PRH1: variants seen among roughly 807,000 people sequenced by gnomAD.
PRH1 encodes the protein proline rich protein HaeIII subfamily 1.
A neutral mutation model predicts 7.9 loss-of-function variants in PRH1; 7 were observed. The ratio of observed to expected loss-of-function variants is 0.89; its 90% CI spans 0.50 to 1.67. PRH1 has a LOEUF of 1.67. Ranked by LOEUF, PRH1 falls within the 40% of genes most tolerant of loss-of-function variation. The pLI, the probability that PRH1 is intolerant of heterozygous loss-of-function variation, is 0.00. For synonymous variants in PRH1, 45 were observed against 80.8 expected (o/e 0.56, Z 2.38); for missense variants, 109 against 223.6 (o/e 0.49, Z 3.27).
chr12:11,123,834 TTTTTAGTTTTCTTG>T (rs2136331605), intron 1 of PRH1, among the ~76,000 whole-genome samples: 1 of 152,336 alleles, frequency 6.6e-6, no homozygotes, highest in South Asian at 2.1e-4. Flanking sequence ...GATAATTCAT[TTTTTAGTTTTCTTG>T]TTTTAGTGTT....
At chr12:11,002,345 A>C (rs960027967) in intron 1 of PRH1, among the ~76,000 whole-genome samples, 2 of 152,078 alleles carry the variant, frequency 1.3e-5, no homozygotes, top group Non-Finnish European at 2.9e-5. Flanking sequence ...TGTTTCTTAT[A>C]TTATTCTCAG....
At chr12:10,909,385 G>A (rs987558219) in intron 2 of PRH1, 2 of 898,304 alleles carry the variant, frequency 2.2e-6, no homozygotes, top group Non-Finnish European at 1.7e-6. Context: ...GTGTCCAGTG[G>A]AGTTCTTCTT....
At chr12:11,027,012 C>G (rs534007141) in intron 1 of PRH1, among the ~76,000 whole-genome samples, 57 of 152,350 alleles carry the variant, frequency 3.7e-4, no homozygotes, top group East Asian at 2.5e-3. Flanking sequence ...TGACTGTAAT[C>G]CCATCATTTT....
At position 11,168,283 on chromosome 12, in the gene PRH1, A is replaced by G. The variant is rs867999878; in HGVS notation, n.39+3139T>C. The stretch of plus-strand genomic sequence containing the variant: ...AAGAAAGAAAGAAAGAAAGAAAGAA[A>G]GAAAGAAAGAAAGAAAGAAGGAAGG... On this transcript the variant is annotated intron_variant and non_coding_transcript_variant, in intron 1 of 1. Transcript: ENST00000541175. 1.5e-3 allele frequency among the ~76,000 whole-genome samples: 50 copies of G among 32,404 alleles called. 11 individuals are homozygous for G. The highest frequency in any genetic ancestry group is 2.1e-3 in the Non-Finnish European group (28 of 13,600). 21.3% of individuals were successfully genotyped at this position (32,404 alleles called of 152,430 possible).
chr12:10,940,763 A>G (rs919945009), intron 2 of PRH1, among the ~76,000 whole-genome samples: 1 of 152,210 alleles, frequency 6.6e-6, no homozygotes, highest in Non-Finnish European at 1.5e-5. Context: ...CACCAATGAA[A>G]CAAATTCAGC....
chr12:11,160,174 T>C (rs949895418), intron 1 of PRH1, among the ~76,000 whole-genome samples: 2 of 152,208 alleles, frequency 1.3e-5, no homozygotes, highest in African/African-American at 4.8e-5. Context: ...ATAACATTTA[T>C]TTCAGTAATT....
chr12:10,945,287 A>G (rs941781565), intron 2 of PRH1, among the ~76,000 whole-genome samples: 3 of 152,062 alleles, frequency 2.0e-5, no homozygotes, highest in Non-Finnish European at 4.4e-5. Context: ...TCTTGGGAGT[A>G]TCGGGTGAAA....
At chr12:11,052,929 T>TA (rs1943208327) in intron 1 of PRH1, among the ~76,000 whole-genome samples, 3 of 138,638 alleles carry the variant, frequency 2.2e-5, no homozygotes, top group African/African-American at 7.7e-5. Flanking sequence ...TTTTGATTTT[T>TA]TGTTTTTTGT....
chr12:10,966,957 T>A (rs1938529610), intron 2 of PRH1, among the ~76,000 whole-genome samples: 1 of 151,720 alleles, frequency 6.6e-6, no homozygotes, highest in East Asian at 1.9e-4. Flanking sequence ...CTACAAAAAA[T>A]ACAAAAAATT....
chr12:11,160,345 T>G (rs1947376550), intron 1 of PRH1, among the ~76,000 whole-genome samples: 1 of 152,202 alleles, frequency 6.6e-6, no homozygotes, highest in African/African-American at 2.4e-5. Context: ...TTACAGGAGC[T>G]AAAAAGAATA....
At chr12:11,106,550 A>G (rs78484670) in intron 1 of PRH1, among the ~76,000 whole-genome samples, 1 of 152,194 alleles carries the variant, frequency 6.6e-6, no homozygotes, top group African/African-American at 2.4e-5. Context: ...GGGCTACTTA[A>G]AAAACACGTT....
At chr12:11,036,149 T>TC (rs1343395169) in intron 1 of PRH1, among the ~76,000 whole-genome samples, 1 of 152,198 alleles carries the variant, frequency 6.6e-6, no homozygotes, top group African/African-American at 2.4e-5. Context: ...CACCTCGGCC[T>TC]CCCGAAGTGC....
chr12:11,171,599 T>C (rs1947849701), upstream of PRH1: 2 of 1,220,164 alleles, frequency 1.6e-6, no homozygotes, highest in Non-Finnish European at 2.0e-6. Flanking sequence ...GGGGCCAGCA[T>C]GATGGCCGAC....
chr12:10,969,522 C>A (rs1204148492), intron 2 of PRH1, among the ~76,000 whole-genome samples: 1 of 152,044 alleles, frequency 6.6e-6, no homozygotes, highest in Non-Finnish European at 1.5e-5. Flanking sequence ...TCATCAATGA[C>A]AACTTTAAAC....
intron 1 of PRH1, among the ~76,000 whole-genome samples, chr12:11,127,186 T>C (rs1206926980): frequency 1.3e-5 from 2 of 152,300 alleles, no homozygotes; most frequent in African/African-American, 4.8e-5. Flanking sequence ...TAACTCCTAT[T>C]CAAATACTAT....
chr12:11,171,604 G>A, upstream of PRH1: 1 of 1,213,560 alleles, frequency 8.2e-7, no homozygotes, highest in East Asian at 3.2e-5. Context: ...CAGCATGATG[G>A]CCGACTCCCA....
intron 1 of PRH1, among the ~76,000 whole-genome samples, chr12:11,060,851 C>T (rs907416985): frequency 1.3e-5 from 2 of 152,244 alleles, no homozygotes; most frequent in African/African-American, 4.8e-5. Context: ...AAGACACATC[C>T]TTATTATTGA....
chr12:11,033,875 C>G (rs1591853741), intron 1 of PRH1, among the ~76,000 whole-genome samples: 1 of 152,168 alleles, frequency 6.6e-6, no homozygotes, highest in South Asian at 2.1e-4. Flanking sequence ...GGAAATACCA[C>G]AGTGTATCAT....
chr12:11,079,129 T>C (rs1944413309), intron 1 of PRH1: 1 of 18,680 alleles, frequency 5.4e-5, no homozygotes. Flanking sequence ...ATATTAATTA[T>C]GTAATTAAAA....
Sources: allele counts gnomAD v4.1 joint callset (sites outside exome capture counted in the v4.1 genomes callset), GRCh38; gene constraint gnomAD v4.1.1; transcripts MANE v1.5; gene names NCBI Gene and HGNC (gene_info 2026-07-23, HGNC 2026-07-21).